Variants in OR5C1 observed in about 807,000 individuals in gnomAD.
OR5C1 encodes the protein olfactory receptor family 5 subfamily C member 1.
For synonymous variants in OR5C1, 184 were observed against 181.5 expected, an observed-to-expected ratio of 1.01 and a Z score of -0.11; for missense variants, 433 against 426.5, an observed-to-expected ratio of 1.02 and a Z score of -0.13.
Position 122,789,665 on chromosome 9 carries a change from G to A in OR5C1, c.733G>A (p.Gly245Ser), listed in dbSNP as rs551570174. 18 of 1,608,696 alleles carry A rather than the reference G, an allele frequency of 1.1e-5. No homozygotes were observed. The East Asian group carries it at 1.6e-4, about 14-fold the overall frequency. Residue 245 changes from glycine (G) to serine (S), a missense_variant, in exon 1 of 1, where the codon GGT (glycine) becomes AGT (serine). Physicochemically the swap from Gly to Ser is moderately conservative, Grantham distance 56. Coordinates refer to ENST00000373680, the MANE Select transcript of OR5C1 (RefSeq NM_001001923.1). The stretch of plus-strand genomic sequence containing the variant: ...GGGCAGTCGGCGAGCAGCCTCCACC[G>A]GTGGTTCCCACCTCACAGCCGTGGC... ...VEGSRRAAST[G>S]GSHLTAVAMM...
At position 122,789,014 on chromosome 9, in the gene OR5C1, C is replaced by T. The variant is rs199513321; in HGVS notation, c.82C>T (p.Arg28Cys). ...LLGITNRWDL[R>C]VALFLTCLPV... is the part of the protein sequence containing the mutation. ...GGGCATCACAAATCGCTGGGACCTG[C>T]GTGTGGCCCTCTTCCTGACCTGCCT... Residue 28 changes from arginine (R) to cysteine (C), a missense_variant, in exon 1 of 1, where the codon CGT becomes TGT. Physicochemically the swap from Arg to Cys is radical, Grantham distance 180. Coordinates refer to ENST00000373680, the MANE Select transcript of OR5C1 (RefSeq NM_001001923.1). The T allele has an allele frequency of 1.9e-4, 311 of 1,613,372 alleles. No homozygotes were observed. Among genetic ancestry groups the T allele is most frequent in the Non-Finnish European group, 2.5e-4 (292 of 1,179,620 alleles).
chr9:122,789,308 C>T lies in OR5C1; in HGVS notation c.376C>T (p.Arg126Cys), dbSNP rs372241959. 73 of 1,614,030 alleles carry T rather than the reference C, an allele frequency of 4.5e-5. No individual in the cohort carries two copies. Among genetic ancestry groups the T allele is most frequent in the Admixed American group, 3.0e-4 (18 of 60,016 alleles). ...CCLLAAMAYD[R>C]YVAIRNPLLY... ...CTTGCTGGCAGCCATGGCCTATGACCGCTACGTGGCCATCAGAAACCCACT... is the reference window on the plus strand; with the variant it reads ...CTTGCTGGCAGCCATGGCCTATGACTGCTACGTGGCCATCAGAAACCCACT... The change falls in exon 1 of 1, where the codon CGC (arginine) becomes TGC (cysteine). Residue 126 changes from arginine to cysteine, a missense_variant. By Grantham distance (180) the Arg-to-Cys change is radical. Transcript: ENST00000373680.
In OR5C1 at chr9:122,789,149, C is replaced by A. The variant is rs181000076; in HGVS notation, c.217C>A (p.Leu73Met). Residue 73 changes from leucine to methionine, a missense_variant, in exon 1 of 1, where the codon CTG becomes ATG. Transcript: ENST00000373680. ...MYFFLANLSLLDACYSSAIGP... is the reference protein window; with the variant it reads ...MYFFLANLSLMDACYSSAIGP... ...CTTCTTCCTGGCCAACCTCTCCCTG[C>A]TGGATGCCTGCTATTCCTCCGCCAT... The A allele has an allele frequency of 8.7e-6, 14 of 1,613,932 alleles. No homozygotes were observed. In the African/African-American group the frequency reaches 1.2e-4, roughly 14 times the overall value.
chr9:122,789,642 G>A lies in OR5C1; in HGVS notation c.710G>A (p.Gly237Asp), dbSNP rs747421190. Residue 237 changes from glycine (G) to aspartate (D), a missense_variant, in exon 1 of 1, where the codon GGC (glycine) becomes GAC (aspartate). Gly to Asp is a moderately conservative substitution (Grantham distance 94, BLOSUM62 -1). Transcript: ENST00000373680. Reference sequence around the variant, plus strand: ...GTGATCCACATGCGCTCGGTCGAGGGCAGTCGGCGAGCAGCCTCCACCGGT... The same window carrying A: ...GTGATCCACATGCGCTCGGTCGAGGACAGTCGGCGAGCAGCCTCCACCGGT... ...GAVIHMRSVEGSRRAASTGGS... is the reference protein window; with the variant it reads ...GAVIHMRSVEDSRRAASTGGS... The A allele has an allele frequency of 1.9e-6, 3 of 1,611,840 alleles. No homozygotes were observed. Among genetic ancestry groups the A allele is most frequent in the East Asian group, 2.2e-5 (1 of 44,820 alleles).
Position 122,789,286 on chromosome 9 carries a change from G to A in OR5C1, c.354G>A (p.Leu118=). The stretch of plus-strand genomic sequence containing the variant: ...GTCTGGCTGATACTGAGTGTTGCTT[G>A]CTGGCAGCCATGGCCTATGACCGCT... ...FAGLADTECC[L]LAAMAYDRYV... is the part of the protein sequence containing the mutation. Residue 118 remains leucine (L), a synonymous_variant, in exon 1 of 1, where the codon TTG becomes TTA. Coordinates refer to ENST00000373680, the MANE Select transcript of OR5C1 (RefSeq NM_001001923.1). 6.2e-7 allele frequency: 1 copy of A among 1,613,978 alleles called. No homozygotes were observed. Among genetic ancestry groups the A allele is most frequent in the South Asian group, 1.1e-5 (1 of 91,044 alleles).
Position 122,789,288 on chromosome 9 carries a change from T to C in OR5C1, c.356T>C (p.Leu119Pro). Residue 119 changes from leucine (L) to proline (P), a missense_variant, in exon 1 of 1, where the codon CTG becomes CCG. By Grantham distance (98) the Leu-to-Pro change is moderately conservative. Transcript: ENST00000373680. ...CTGGCTGATACTGAGTGTTGCTTGC[T>C]GGCAGCCATGGCCTATGACCGCTAC... ...AGLADTECCL[L>P]AAMAYDRYVA... The C allele has an allele frequency of 2.5e-6, 4 of 1,613,992 alleles. No individual in the cohort carries two copies. The highest frequency in any genetic ancestry group is 3.4e-6 in the Non-Finnish European group (4 of 1,179,880).
Position 122,789,295 on chromosome 9 carries a change from C to T in OR5C1, c.363C>T (p.Ala121=), listed in dbSNP as rs1431571512. 6.2e-7 allele frequency: 1 copy of T among 1,613,930 alleles called. No individual in the cohort carries two copies. Among genetic ancestry groups the T allele is most frequent in the Non-Finnish European group, 8.5e-7 (1 of 1,179,876 alleles). ...ATACTGAGTGTTGCTTGCTGGCAGCCATGGCCTATGACCGCTACGTGGCCA... is the reference window on the plus strand; with the variant it reads ...ATACTGAGTGTTGCTTGCTGGCAGCTATGGCCTATGACCGCTACGTGGCCA... The part of the protein sequence containing the change: ...LADTECCLLA[A]MAYDRYVAIR... The change falls in exon 1 of 1, where the codon GCC becomes GCT. Residue 121 remains alanine, a synonymous_variant. Transcript: ENST00000373680.
rs199506202 is a variant in OR5C1 at position 122,789,608 on chromosome 9, G to A, written c.676G>A (p.Ala226Thr). 4.3e-6 allele frequency: 7 copies of A among 1,613,540 alleles called. No homozygotes were observed. Among genetic ancestry groups the A allele is most frequent in the East Asian group, 4.5e-5 (2 of 44,882 alleles). ...TATCACGGTGTCTTATGGCTTCATC[G>A]CTGGGGCTGTGATCCACATGCGCTC... ...LAITVSYGFI[A>T]GAVIHMRSVE... Residue 226 changes from alanine to threonine, a missense_variant, in exon 1 of 1, where the codon GCT (alanine) becomes ACT (threonine). Transcript: ENST00000373680.
In OR5C1 at chr9:122,789,785, G is replaced by T. The variant is rs911738065; in HGVS notation, c.853G>T (p.Val285Phe). 3 of 1,612,080 alleles carry T rather than the reference G, an allele frequency of 1.9e-6. No homozygotes were observed. The highest frequency in any genetic ancestry group is 2.5e-6 in the Non-Finnish European group (3 of 1,178,988). ...GATGGCCTCTGTGTTCTATACCCTG[G>T]TCATCCCGTCTCTCAACCCACTCAT... ...DKMASVFYTL[V>F]IPSLNPLIYS... is the part of the protein sequence containing the mutation. The change falls in exon 1 of 1, where the codon GTC becomes TTC. Residue 285 changes from valine to phenylalanine, a missense_variant. Val to Phe is a conservative substitution (Grantham distance 50). Transcript: ENST00000373680.
rs372095867 is a variant in OR5C1, at chr9:122,789,344, A to T, written c.412A>T (p.Thr138Ser). Reference sequence around the variant, plus strand: ...CATCAGAAACCCACTTCTCTATACAACAGCTATGTCGCAGCGTCTATGCCT... The same window carrying T: ...CATCAGAAACCCACTTCTCTATACATCAGCTATGTCGCAGCGTCTATGCCT... ...VAIRNPLLYTTAMSQRLCLAL... is the reference protein window; with the variant it reads ...VAIRNPLLYTSAMSQRLCLAL... Residue 138 changes from threonine (T) to serine (S), a missense_variant, in exon 1 of 1, where the codon ACA becomes TCA. By Grantham distance (58) the Thr-to-Ser change is moderately conservative. Coordinates refer to ENST00000373680, the MANE Select transcript of OR5C1 (RefSeq NM_001001923.1). 1.2e-6 allele frequency: 2 copies of T among 1,614,002 alleles called. No individual in the cohort carries two copies. Among genetic ancestry groups the T allele is most frequent in the Non-Finnish European group, 8.5e-7 (1 of 1,179,926 alleles).
At position 122,789,010 on chromosome 9, in the gene OR5C1, C is replaced by A; in HGVS notation, c.78C>A (p.Asp26Glu). Residue 26 changes from aspartate (D) to glutamate (E), a missense_variant, in exon 1 of 1, where the codon GAC (aspartate) becomes GAA (glutamate). Coordinates refer to ENST00000373680, the MANE Select transcript of OR5C1 (RefSeq NM_001001923.1). ...FVLLGITNRW[D>E]LRVALFLTCL... ...TCCTGGGCATCACAAATCGCTGGGACCTGCGTGTGGCCCTCTTCCTGACCT... is the reference window on the plus strand; with the variant it reads ...TCCTGGGCATCACAAATCGCTGGGAACTGCGTGTGGCCCTCTTCCTGACCT... The A allele has an allele frequency of 4.3e-6, 7 of 1,613,224 alleles. No individual in the cohort carries two copies. The highest frequency in any genetic ancestry group is 5.9e-6 in the Non-Finnish European group (7 of 1,179,500).
chr9:122,789,116 C>G lies in OR5C1; in HGVS notation c.184C>G (p.Pro62Ala), dbSNP rs757663836. ...CCGCATGGATGCCCGGCTCCACACA[C>G]CTATGTACTTCTTCCTGGCCAACCT... ...LIRMDARLHTPMYFFLANLSL... is the reference protein window; with the variant it reads ...LIRMDARLHTAMYFFLANLSL... The change falls in exon 1 of 1, where the codon CCT becomes GCT. Residue 62 changes from proline (P) to alanine (A), a missense_variant. Pro to Ala is a conservative substitution (Grantham distance 27, BLOSUM62 -1). Coordinates refer to ENST00000373680, the MANE Select transcript of OR5C1 (RefSeq NM_001001923.1). 1.2e-6 allele frequency: 2 copies of G among 1,613,530 alleles called. No individual in the cohort carries two copies. The highest frequency in any genetic ancestry group is 1.7e-6 in the Non-Finnish European group (2 of 1,179,698).
rs185879892 is a variant in OR5C1, at chr9:122,789,367, C to T, written c.435C>T (p.Cys145=). The T allele has an allele frequency of 8.7e-6, 14 of 1,613,580 alleles. 1 individual carries two copies. In the South Asian group the frequency reaches 1.4e-4, roughly 16 times the overall value. Residue 145 remains cysteine, a synonymous_variant, in exon 1 of 1, where the codon TGC becomes TGT. Transcript: ENST00000373680. The stretch of plus-strand genomic sequence containing the variant: ...CAACAGCTATGTCGCAGCGTCTATG[C>T]CTGGCCTTGCTGGGAGCATCAGGCC... ...LYTTAMSQRL[C]LALLGASGLG...
Position 122,789,664 on chromosome 9 carries a change from C to T in OR5C1, c.732C>T (p.Thr244=), listed in dbSNP as rs532966704. The T allele has an allele frequency of 6.3e-5, 102 of 1,608,858 alleles. 2 individuals are homozygous for T. In the South Asian group the frequency reaches 6.8e-4, roughly 11 times the overall value. Residue 244 remains threonine, a synonymous_variant, in exon 1 of 1, where the codon ACC becomes ACT. Coordinates refer to ENST00000373680, the MANE Select transcript of OR5C1 (RefSeq NM_001001923.1). ...AGGGCAGTCGGCGAGCAGCCTCCAC[C>T]GGTGGTTCCCACCTCACAGCCGTGG... ...SVEGSRRAAS[T]GGSHLTAVAM...
rs1272584931 is a variant in OR5C1, at chr9:122,789,243, A to G, written c.311A>G (p.Gln104Arg). Residue 104 changes from glutamine to arginine, a missense_variant, in exon 1 of 1, where the codon CAG (glutamine) becomes CGG (arginine). By Grantham distance (43) the Gln-to-Arg change is conservative. Coordinates refer to ENST00000373680, the MANE Select transcript of OR5C1 (RefSeq NM_001001923.1). ...ATIPYTACAL[Q>R]MFVFAGLADT... The stretch of plus-strand genomic sequence containing the variant: ...ATCCCTTACACAGCCTGTGCCCTCC[A>G]GATGTTTGTCTTTGCAGGTCTGGCT... 1.2e-6 allele frequency: 2 copies of G among 1,613,972 alleles called. No individual in the cohort carries two copies. The highest frequency in any genetic ancestry group is 1.3e-5 in the African/African-American group (1 of 74,910).
At position 122,788,960 on chromosome 9, in the gene OR5C1, G is replaced by T. The variant is rs757978896; in HGVS notation, c.28G>T (p.Ala10Ser). Reference sequence around the variant, plus strand: ...GAACTCAGAGAACCTCACCCGGGCCGCGGTTGCCCCTGCTGAATTCGTCCT... The same window carrying T: ...GAACTCAGAGAACCTCACCCGGGCCTCGGTTGCCCCTGCTGAATTCGTCCT... MNSENLTRA[A>S]VAPAEFVLLG... Residue 10 changes from alanine to serine, a missense_variant, in exon 1 of 1, where the codon GCG becomes TCG. Physicochemically the swap from Ala to Ser is moderately conservative, Grantham distance 99. Coordinates refer to ENST00000373680, the MANE Select transcript of OR5C1 (RefSeq NM_001001923.1). 2 of 1,588,880 alleles carry T rather than the reference G, an allele frequency of 1.3e-6. No individual in the cohort carries two copies. Among genetic ancestry groups the T allele is most frequent in the Non-Finnish European group, 1.7e-6 (2 of 1,166,888 alleles).
rs746011322 is a variant in OR5C1, at chr9:122,789,002, C to T, written c.70C>T (p.Arg24Cys). 9 of 1,611,712 alleles carry T rather than the reference C, an allele frequency of 5.6e-6. No individual in the cohort carries two copies. The highest frequency in any genetic ancestry group is 1.1e-5 in the South Asian group (1 of 90,550). ...ATTCGTCCTCCTGGGCATCACAAAT[C>T]GCTGGGACCTGCGTGTGGCCCTCTT... is the stretch of plus-strand genomic sequence containing the variant. ...AEFVLLGITN[R>C]WDLRVALFLT... is the part of the protein sequence containing the mutation. Residue 24 changes from arginine (R) to cysteine (C), a missense_variant, in exon 1 of 1, where the codon CGC becomes TGC. Coordinates refer to ENST00000373680, the MANE Select transcript of OR5C1 (RefSeq NM_001001923.1).
rs1829232820 is a variant in OR5C1 at position 122,789,486 on chromosome 9, T to C, written c.554T>C (p.Ile185Thr). ...AAGATCAATAGCTTCTTCTGCGATA[T>C]CCCTCCACTGCTGGCCATCTCGTGC... is the stretch of plus-strand genomic sequence containing the variant. ...SRKINSFFCD[I>T]PPLLAISCSD... The change falls in exon 1 of 1, where the codon ATC becomes ACC. Residue 185 changes from isoleucine (I) to threonine (T), a missense_variant. Physicochemically the swap from Ile to Thr is moderately conservative, Grantham distance 89. Transcript: ENST00000373680. 6.2e-7 allele frequency: 1 copy of C among 1,614,088 alleles called. No individual in the cohort carries two copies.
rs755618196 is a variant in OR5C1, at chr9:122,789,581, G to C, written c.649G>C (p.Ala217Pro). ...CTTCATCCAGACAGCCACGGTGTTA[G>C]CTATCACGGTGTCTTATGGCTTCAT... ...CGFIQTATVL[A>P]ITVSYGFIAG... is the part of the protein sequence containing the mutation. The change falls in exon 1 of 1, where the codon GCT becomes CCT. Residue 217 changes from alanine (A) to proline (P), a missense_variant. Physicochemically the swap from Ala to Pro is conservative, Grantham distance 27. Transcript: ENST00000373680. The C allele has an allele frequency of 6.2e-7, 1 of 1,614,076 alleles. No individual in the cohort carries two copies. Among genetic ancestry groups the C allele is most frequent in the Non-Finnish European group, 8.5e-7 (1 of 1,179,948 alleles).
Sources: allele counts gnomAD v4.1 joint callset, GRCh38; gene constraint gnomAD v4.1.1; transcripts MANE v1.5; gene names NCBI Gene and HGNC (gene_info 2026-07-23, HGNC 2026-07-21).